Variants in CFAP92 observed in about 807,000 individuals in gnomAD.
CFAP92 encodes the protein uncharacterized protein CFAP92.
A neutral mutation model predicts 106.3 loss-of-function variants in CFAP92; 86 were observed. The ratio of observed to expected loss-of-function variants is 0.81; its 90% CI spans 0.68 to 0.97. The LOEUF (loss-of-function observed/expected upper bound fraction) is 0.97. Among genes scored for constraint, CFAP92 ranks in the 50% least tolerant of loss-of-function variants. The probability of loss-of-function intolerance (pLI) is 0.00; values close to 1 mark genes in which losing one functional copy is unlikely to be tolerated. For missense variants in CFAP92, 1,204 were observed against 1,283.8 expected (o/e 0.94, Z 0.95); for synonymous variants, 477 against 506.4 (o/e 0.94, Z 0.78).
In CFAP92 at chr3:128,978,045, C is replaced by T. The variant is rs1190248613; in HGVS notation, c.808G>A (p.Gly270Ser). ...KTEKHPKSLQ[G>S]SHQAEPETSS... ...GTCCACAAAGGCCTTCTCCGCTCAC[C>T]TTGCAAAGACTTTGGGTGTTTTTCT... Residue 270 changes from glycine (G) to serine (S), a missense_variant and splice_region_variant, in exon 5 of 16, where the codon GGT becomes AGT. Gly to Ser is a moderately conservative substitution (Grantham distance 56, BLOSUM62 0). Transcript: ENST00000645291. 1.9e-6 allele frequency: 3 copies of T among 1,613,940 alleles called. No homozygotes were observed. The highest frequency in any genetic ancestry group is 2.5e-6 in the Non-Finnish European group (3 of 1,179,868).
chr3:128,945,784 G>T lies in CFAP92; in HGVS notation c.1545C>A (p.Asp515Glu), dbSNP rs1485612063. Residue 515 changes from aspartate (D) to glutamate (E), a missense_variant, in exon 10 of 16, where the codon GAC becomes GAA. Physicochemically the swap from Asp to Glu is conservative, Grantham distance 45. Coordinates refer to ENST00000645291, the MANE Select transcript of CFAP92 (RefSeq NM_001394090.1). The part of the protein sequence containing the change: ...PPMVVEVHDR[D>E]RKSEECSQKP... ...TCTGAGAACACTCCTCTGACTTGCGGTCCCGGTCGTGAACTTCCACCACCA... is the reference window on the plus strand; with the variant it reads ...TCTGAGAACACTCCTCTGACTTGCGTTCCCGGTCGTGAACTTCCACCACCA... 6.5e-7 allele frequency: 1 copy of T among 1,529,514 alleles called. No individual in the cohort carries two copies. The highest frequency in any genetic ancestry group is 8.7e-7 in the Non-Finnish European group (1 of 1,143,718). The allele number at this position is 1,529,514 out of a possible 1,614,324, so 94.7% of individuals were successfully genotyped here.
At chr3:129,015,125 A>T in the CFAP92 span, among the ~76,000 whole-genome samples, 5 of 151,282 alleles carry the variant, frequency 3.3e-5, no homozygotes, top group African/African-American at 1.2e-4. Context: ...CTCTCCTGTG[A>T]CCTCCTCTGG....
At chr3:128,910,459 G>A in intron 15 of CFAP92, 126 bp from the exon 16 acceptor site, 1 of 938,506 alleles carries the variant, frequency 1.1e-6, no homozygotes, top group Admixed American at 2.5e-5. Flanking sequence ...AGGACCCACT[G>A]TATACCAGGA....
intron 12 of CFAP92, among the ~76,000 whole-genome samples, chr3:128,926,801 A>G (rs1937696720): frequency 6.6e-6 from 1 of 152,122 alleles, no homozygotes; most frequent in African/African-American, 2.4e-5. Context: ...TCTTTGCAAG[A>G]AGAGACATCA....
intron 10 of CFAP92, among the ~76,000 whole-genome samples, chr3:128,940,907 C>CT (rs1939557679): frequency 6.6e-6 from 1 of 151,694 alleles, no homozygotes; most frequent in South Asian, 2.1e-4. Context: ...CCTTTATTAA[C>CT]ATGCGGAAGT....
intron 4 of CFAP92, among the ~76,000 whole-genome samples, chr3:128,985,587 T>C (rs1450934302): frequency 2.0e-5 from 3 of 152,148 alleles, no homozygotes; most frequent in African/African-American, 7.2e-5. Flanking sequence ...CAGGAATCCT[T>C]CCTGATACTC....
chr3:128,962,544 T>C lies in CFAP92; in HGVS notation c.1353+2967A>G, dbSNP rs536955911. Among the ~76,000 whole-genome samples the C allele has an allele frequency of 6.9e-4, 105 of 152,196 alleles. 1 individual carries two copies. Among genetic ancestry groups the C allele is most frequent in the African/African-American group, 2.4e-3 (101 of 41,516 alleles). On this transcript the variant is annotated intron_variant, in intron 9 of 15. Coordinates refer to ENST00000645291, the MANE Select transcript of CFAP92 (RefSeq NM_001394090.1). Reference sequence around the variant, plus strand: ...ATCTCATTGCTGCCCTTCTTCCCAATCCAAAGCCTCCTTTGCGTCCTCCTC... The same window carrying C: ...ATCTCATTGCTGCCCTTCTTCCCAACCCAAAGCCTCCTTTGCGTCCTCCTC...
At chr3:128,981,683 C>G (rs114523878) in intron 4 of CFAP92, among the ~76,000 whole-genome samples, 1,807 of 152,236 alleles carry the variant, frequency 0.012, 23 homozygotes, top group African/African-American at 0.042. Context: ...GAATCACTAT[C>G]TATGGAAGCT....
chr3:128,943,134 G>C (rs531721078), intron 10 of CFAP92, among the ~76,000 whole-genome samples: 21 of 152,072 alleles, frequency 1.4e-4, no homozygotes, highest in African/African-American at 5.1e-4. Context: ...TGGTCAGGCT[G>C]GTCTTGATCT....
intron 7 of CFAP92, 131 bp downstream of exon 7, chr3:128,975,646 CAG>C: frequency 1.3e-6 from 1 of 762,926 alleles, no homozygotes; most frequent in Non-Finnish European, 2.0e-6. Context: ...AAAATGTATA[CAG>C]TACTCTTACT....
intron 12 of CFAP92, among the ~76,000 whole-genome samples, chr3:128,931,737 A>G (rs1382509114): frequency 6.6e-6 from 1 of 152,042 alleles, no homozygotes; most frequent in African/African-American, 2.4e-5. Context: ...CTAATGGAAA[A>G]AACAGCCAGG....
chr3:129,002,227 T>C (rs1343241721), intron 1 of CFAP92: 14 of 1,528,980 alleles, frequency 9.2e-6, no homozygotes, highest in Non-Finnish European at 5.2e-6. Flanking sequence ...TGTGAGCGCG[T>C]TGCGCGGCTG....
intron 1 of CFAP92, among the ~76,000 whole-genome samples, chr3:129,001,302 G>T (rs1944727752): frequency 6.6e-6 from 1 of 152,304 alleles, no homozygotes; most frequent in Middle Eastern, 3.4e-3. Flanking sequence ...GAGGAAAAGC[G>T]CAGACGCCAG....
In CFAP92 at chr3:128,915,493, T is replaced by A; in HGVS notation, c.2987A>T (p.Glu996Val). 6.5e-7 allele frequency: 1 copy of A among 1,536,060 alleles called. No individual in the cohort carries two copies. The highest frequency in any genetic ancestry group is 8.7e-7 in the Non-Finnish European group (1 of 1,146,846). Residue 996 changes from glutamate (E) to valine (V), a missense_variant, in exon 14 of 16, where the codon GAA becomes GTA. Transcript: ENST00000645291. ...SAMVEPLDLK[E>V]EEKKAQKKSR... Reference sequence around the variant, plus strand: ...TTTCTTCTGGGCTTTCTTCTCCTCTTCCTTCAAGTCCAGGGGCTCCACCAT... The same window carrying A: ...TTTCTTCTGGGCTTTCTTCTCCTCTACCTTCAAGTCCAGGGGCTCCACCAT...
chr3:129,025,370 A>G, the CFAP92 span, among the ~76,000 whole-genome samples: 82,970 of 152,018 alleles, frequency 0.55, 24,670 homozygotes, highest in African/African-American at 0.8. Flanking sequence ...CCCGGAAGCC[A>G]CGGGAAGAGT....
Position 128,916,089 on chromosome 3 carries a change from C to T in CFAP92, c.2916+18G>A. 7 of 1,232,356 alleles carry T rather than the reference C, an allele frequency of 5.7e-6. No individual in the cohort carries two copies. Among genetic ancestry groups the T allele is most frequent in the Non-Finnish European group, 7.1e-6 (7 of 988,126 alleles). 76.3% of individuals were successfully genotyped at this position (1,232,356 alleles called of 1,614,324 possible). On this transcript the variant is annotated intron_variant, in intron 13 of 15. Transcript: ENST00000645291. ...CATGGGATTTGCCAACTGCCATCAT[C>T]CTGTCTGGGTCTCTCACCTTGGCTA... is the stretch of plus-strand genomic sequence containing the variant.
chr3:128,978,187 T>C lies in CFAP92; in HGVS notation c.668-2A>G. Reference sequence around the variant, plus strand: ...GATTTAAAACCAAATGTCTCACTTCTAGAATGCAGGAGAAGAAAGGATCAT... The same window carrying C: ...GATTTAAAACCAAATGTCTCACTTCCAGAATGCAGGAGAAGAAAGGATCAT... On this transcript the variant is annotated splice_acceptor_variant, in intron 4 of 15. Transcript: ENST00000645291. LOFTEE classifies it high-confidence loss of function. 3 of 1,612,348 alleles carry C rather than the reference T, an allele frequency of 1.9e-6. No homozygotes were observed. In the South Asian group the frequency reaches 3.3e-5, roughly 18 times the overall value.
intron 4 of CFAP92, 74 bp from the exon 5 acceptor site, chr3:128,978,259 T>A: frequency 2.0e-6 from 3 of 1,531,246 alleles, no homozygotes; most frequent in Non-Finnish European, 2.7e-6. Flanking sequence ...ACTATGGGCA[T>A]TTCTTGGAGA....
At chr3:128,966,750 T>A in intron 8 of CFAP92, 1 of 152,190 alleles carries the variant, frequency 6.6e-6, no homozygotes, top group Non-Finnish European at 1.5e-5. Flanking sequence ...TTTTGTATTG[T>A]TAGTAAAGAC....
Sources: allele counts gnomAD v4.1 joint callset (sites outside exome capture counted in the v4.1 genomes callset), GRCh38; gene constraint gnomAD v4.1.1; transcripts MANE v1.5; gene names NCBI Gene and HGNC (gene_info 2026-07-23, HGNC 2026-07-21).